ALK: variants seen among roughly 807,000 people sequenced by gnomAD.
ALK encodes the protein ALK tyrosine kinase receptor.
Under a neutral mutation model 163.1 loss-of-function variants are expected in ALK, and 74 were observed. That is an observed-to-expected ratio of 0.45 (90% CI 0.38 to 0.55). ALK has a LOEUF of 0.55. ALK is among the 20% of genes least tolerant of loss of function. The probability of loss-of-function intolerance (pLI) is 0.00; values close to 1 mark genes in which losing one functional copy is unlikely to be tolerated. For synonymous variants in ALK, 960 were observed against 843.2 expected, an observed-to-expected ratio of 1.14 and a Z score of -2.40; for missense variants, 2,063 against 2,105.3, an observed-to-expected ratio of 0.98 and a Z score of 0.39.
chr2:29,573,512 A>C (rs1487067117), intron 3 of ALK, among the ~76,000 whole-genome samples: 1 of 152,214 alleles, frequency 6.6e-6, no homozygotes, highest in Non-Finnish European at 1.5e-5. Context: ...ATTTTTTGAG[A>C]CAGGATCTCA....
chr2:29,860,593 G>T (rs1036911652), intron 1 of ALK, among the ~76,000 whole-genome samples: 1 of 152,094 alleles, frequency 6.6e-6, no homozygotes, highest in African/African-American at 2.4e-5. Context: ...CTTCTCAAGT[G>T]CACACAAAAC....
At chr2:29,520,625 A>C (rs1672784954) in intron 4 of ALK, among the ~76,000 whole-genome samples, 1 of 152,134 alleles carries the variant, frequency 6.6e-6, no homozygotes, top group South Asian at 2.1e-4. Flanking sequence ...AAAGGAGCTA[A>C]GAGATTCCTT....
intron 4 of ALK, among the ~76,000 whole-genome samples, chr2:29,528,603 T>C (rs1368006840): frequency 6.6e-6 from 1 of 152,152 alleles, no homozygotes; most frequent in East Asian, 1.9e-4. Flanking sequence ...GGCTGTGTCA[T>C]CTTTGGCACC....
intron 1 of ALK, among the ~76,000 whole-genome samples, chr2:29,810,614 C>T (rs1204697072): frequency 6.6e-6 from 1 of 152,092 alleles, no homozygotes; most frequent in Non-Finnish European, 1.5e-5. Flanking sequence ...CCAGTTTCAA[C>T]GTTGACTGGC....
rs758963152 is a variant in ALK, at chr2:29,209,760, G to A, written c.3836+26C>T. The A allele has an allele frequency of 2.2e-5, 35 of 1,571,700 alleles. No individual in the cohort carries two copies. In the Admixed American group the frequency reaches 2.3e-4, roughly 10 times the overall value. On this transcript the variant is annotated intron_variant, in intron 25 of 28. Coordinates refer to ENST00000389048, the MANE Select transcript of ALK (RefSeq NM_004304.5). ...GGGCTGAGGTGGAAGAGACAGGCCC[G>A]GAGGGGTGAGGCAGTCTTTACTCAC...
intron 2 of ALK, among the ~76,000 whole-genome samples, chr2:29,702,020 G>A (rs906309245): frequency 1.3e-5 from 2 of 152,026 alleles, no homozygotes; most frequent in African/African-American, 4.8e-5. Context: ...TGGCTGCAGT[G>A]AGGCAGGAAA....
intron 3 of ALK, among the ~76,000 whole-genome samples, chr2:29,693,477 A>G (rs1337839020): frequency 1.3e-5 from 2 of 151,810 alleles, no homozygotes; most frequent in Non-Finnish European, 1.5e-5. Flanking sequence ...ATCACCATCC[A>G]GATAAAAGCA....
At chr2:29,470,562 A>G (rs1301480941) in intron 4 of ALK, among the ~76,000 whole-genome samples, 1 of 152,252 alleles carries the variant, frequency 6.6e-6, no homozygotes, top group East Asian at 1.9e-4. Context: ...GAAGGCCGAA[A>G]GAGAACAGAG....
intron 23 of ALK, among the ~76,000 whole-genome samples, chr2:29,217,587 TG>T (rs1346983088): frequency 6.6e-6 from 1 of 152,172 alleles, no homozygotes; most frequent in African/African-American, 2.4e-5. Flanking sequence ...TGTCATTTCA[TG>T]TTTGCACAGA....
chr2:29,462,385 G>A (rs990561686), intron 4 of ALK, among the ~76,000 whole-genome samples: 2 of 152,092 alleles, frequency 1.3e-5, no homozygotes, highest in African/African-American at 4.8e-5. Flanking sequence ...AGAGTTAGTT[G>A]ATGCAGCGAA....
At chr2:29,584,604 C>T (rs758963899) in intron 3 of ALK, among the ~76,000 whole-genome samples, 1 of 152,210 alleles carries the variant, frequency 6.6e-6, no homozygotes, top group Non-Finnish European at 1.5e-5. Context: ...TCGGCAGTCT[C>T]ACACTCACAG....
chr2:29,671,416 T>C (rs1321824418), intron 3 of ALK, among the ~76,000 whole-genome samples: 1 of 151,928 alleles, frequency 6.6e-6, no homozygotes, highest in Non-Finnish European at 1.5e-5. Context: ...CAGAGTAGAG[T>C]TTCCATGGCT....
chr2:29,791,764 G>A (rs1435123022), intron 1 of ALK, among the ~76,000 whole-genome samples: 1 of 151,656 alleles, frequency 6.6e-6, no homozygotes, highest in Non-Finnish European at 1.5e-5. Context: ...TTTATTTATT[G>A]ACTTACTTTC....
At chr2:29,752,085 C>A (rs550433106) in intron 1 of ALK, among the ~76,000 whole-genome samples, 16 of 152,272 alleles carry the variant, frequency 1.1e-4, no homozygotes, top group African/African-American at 3.6e-4. Flanking sequence ...CAAAGACGTT[C>A]TGAACTTATG....
chr2:29,572,659 C>T (rs1418874189), intron 3 of ALK, among the ~76,000 whole-genome samples: 1 of 152,196 alleles, frequency 6.6e-6, no homozygotes, highest in Non-Finnish European at 1.5e-5. Flanking sequence ...GTCTATGATC[C>T]CCTTTCTACT....
At chr2:29,291,558 C>A (rs1666023320) in intron 9 of ALK, among the ~76,000 whole-genome samples, 2 of 152,282 alleles carry the variant, frequency 1.3e-5, no homozygotes, top group South Asian at 4.1e-4. Flanking sequence ...ATTATAATAT[C>A]TACCCCAAGG....
At chr2:29,563,035 C>A (rs1385156410) in intron 3 of ALK, among the ~76,000 whole-genome samples, 2 of 152,180 alleles carry the variant, frequency 1.3e-5, no homozygotes, top group African/African-American at 4.8e-5. Context: ...GCTTTACTCA[C>A]AAAAACATGG....
At chr2:29,815,185 G>A (rs1157271156) in intron 1 of ALK, among the ~76,000 whole-genome samples, 2 of 151,456 alleles carry the variant, frequency 1.3e-5, no homozygotes, top group East Asian at 1.9e-4. Context: ...TGCAACATTG[G>A]ATAAGTTCTT....
At chr2:29,259,810 T>G (rs1156946193) in intron 11 of ALK, among the ~76,000 whole-genome samples, 2 of 152,224 alleles carry the variant, frequency 1.3e-5, no homozygotes, top group Non-Finnish European at 2.9e-5. Context: ...AGTTATACTT[T>G]TAAGTATTTT....
Sources: gnomAD v4.1 joint callset for allele counts (sites outside exome capture counted in the v4.1 genomes callset) on GRCh38, gnomAD v4.1.1 for gene constraint, MANE v1.5 for transcripts, NCBI Gene and HGNC (gene_info 2026-07-23, HGNC 2026-07-21) for gene names.